CCNG2: variants seen among roughly 807,000 people sequenced by gnomAD.
CCNG2 encodes cyclin G2.
Under a neutral mutation model 36.5 loss-of-function variants are expected in CCNG2, and 20 were observed. The observed-to-expected ratio is 0.55, with a 90% confidence interval of 0.39 to 0.80. The LOEUF (loss-of-function observed/expected upper bound fraction) is 0.80, where lower values mean the gene tolerates loss of function less well. Ranked by LOEUF, CCNG2 falls within the 30% of genes least tolerant of loss-of-function variation. CCNG2 has a pLI of 0.00. For missense variants in CCNG2, 358 were observed against 390.8 expected, an observed-to-expected ratio of 0.92 and a Z score of 0.71; for synonymous variants, 155 against 140.1, an observed-to-expected ratio of 1.11 and a Z score of -0.75.
chr4:77,160,655 A>G (rs1731406895), intron 3 of CCNG2, 66 bp from the exon 4 acceptor site: 3 of 1,498,346 alleles, frequency 2.0e-6, no homozygotes, highest in East Asian at 2.3e-5. Flanking sequence ...GCATCATTAC[A>G]ATATTCTAAG....
intron 7 of CCNG2, among the ~76,000 whole-genome samples, chr4:77,165,420 C>G (rs71607401): frequency 0.054 from 7,584 of 140,368 alleles, 236 homozygotes; most frequent in Non-Finnish European, 0.072. Flanking sequence ...CCTATATTTT[C>G]TTTCTTTCTT....
chr4:77,163,170 A>T (rs1172472328), intron 6 of CCNG2, among the ~76,000 whole-genome samples: 3 of 152,134 alleles, frequency 2.0e-5, no homozygotes, highest in Non-Finnish European at 2.9e-5. Flanking sequence ...TGAAACGGTA[A>T]GAAGCTGTGG....
In CCNG2 at chr4:77,164,367, A is replaced by G. The variant is rs1483246134; in HGVS notation, c.799A>G (p.Lys267Glu). The G allele has an allele frequency of 6.2e-7, 1 of 1,613,916 alleles. No individual in the cohort carries two copies. The highest frequency in any genetic ancestry group is 1.6e-4 in the Middle Eastern group (1 of 6,062). The change falls in exon 7 of 8, where the codon AAG (lysine) becomes GAG (glutamate). Residue 267 changes from lysine to glutamate, a missense_variant. Transcript: ENST00000316355. ...TGAATGTTGCAAACCAGATCTTAAG[A>G]AGTTGGTTTGGATCGTTTCAAGGCG... ...SPECCKPDLK[K>E]LVWIVSRRTA...
intron 6 of CCNG2, among the ~76,000 whole-genome samples, chr4:77,161,999 G>A (rs540415532): frequency 2.0e-5 from 3 of 152,268 alleles, no homozygotes; most frequent in Admixed American, 6.5e-5. Flanking sequence ...CATGCCATAT[G>A]ATAGTACAGC....
chr4:77,162,415 C>G (rs907400903), intron 6 of CCNG2, among the ~76,000 whole-genome samples: 13 of 115,340 alleles, frequency 1.1e-4, no homozygotes, highest in East Asian at 8.1e-4. Context: ...GACAGTCTTG[C>G]TCTGTTGCCC....
In CCNG2 at chr4:77,164,392, G is replaced by A. The variant is rs113199362; in HGVS notation, c.824G>A (p.Arg275His). The change falls in exon 7 of 8, where the codon CGC (arginine) becomes CAC (histidine). Residue 275 changes from arginine to histidine, a missense_variant. Transcript: ENST00000316355. The stretch of plus-strand genomic sequence containing the variant: ...AAGTTGGTTTGGATCGTTTCAAGGC[G>A]CACAGCCCAGAACCTCCACAACAGC... ...LKKLVWIVSR[R>H]TAQNLHNSYY... The A allele has an allele frequency of 1.9e-6, 3 of 1,613,966 alleles. No homozygotes were observed. Among genetic ancestry groups the A allele is most frequent in the Non-Finnish European group, 2.5e-6 (3 of 1,179,916 alleles).
At chr4:77,162,326 GTT>G (rs929183098) in intron 6 of CCNG2, among the ~76,000 whole-genome samples, 22 of 145,696 alleles carry the variant, frequency 1.5e-4, no homozygotes, top group Non-Finnish European at 2.4e-4. Context: ...TCTGTCATTT[GTT>G]ATTGTGTCTT....
At chr4:77,164,194 T>G in intron 6 of CCNG2, 80 bp from the exon 7 acceptor site, 1 of 975,434 alleles carries the variant, frequency 1.0e-6, no homozygotes, top group Non-Finnish European at 1.6e-6. Context: ...TATATATTTT[T>G]CATAGCTCAC....
chr4:77,159,654 A>G (rs1465805868), intron 3 of CCNG2, 150 bp downstream of exon 3: 1 of 729,610 alleles, frequency 1.4e-6, no homozygotes, highest in Non-Finnish European at 2.1e-6. Flanking sequence ...TGCCAGAATA[A>G]GACTACAAGA....
intron 6 of CCNG2, among the ~76,000 whole-genome samples, chr4:77,163,442 G>T (rs1267437442): frequency 1.3e-5 from 2 of 152,156 alleles, no homozygotes; most frequent in African/African-American, 4.8e-5. Context: ...ATTACAAGTG[G>T]GTTAGGATGT....
chr4:77,161,439 C>A, intron 4 of CCNG2, 41 bp from the exon 5 acceptor site: 1 of 1,386,502 alleles, frequency 7.2e-7, no homozygotes, highest in Non-Finnish European at 1.0e-6. Flanking sequence ...TCATTTAAAT[C>A]TTTGGAAGTT....
At chr4:77,164,056 A>T (rs1731556592) in intron 6 of CCNG2, among the ~76,000 whole-genome samples, 1 of 152,186 alleles carries the variant, frequency 6.6e-6, no homozygotes, top group African/African-American at 2.4e-5. Flanking sequence ...CCAAATTTTG[A>T]AAGTTTGGCT....
In CCNG2 at chr4:77,161,577, T is replaced by A; in HGVS notation, c.606+19T>A. 1 of 1,593,820 alleles carries A rather than the reference T, an allele frequency of 6.3e-7. No individual in the cohort carries two copies. The highest frequency in any genetic ancestry group is 8.6e-7 in the Non-Finnish European group (1 of 1,169,290). On this transcript the variant is annotated intron_variant, in intron 5 of 7. Transcript: ENST00000316355. ...AGCAAAAGTAAGTCGATTCCTTGCT[T>A]ATGTATATATCTCACAGTTTGTATT...
At chr4:77,158,939 A>G (rs1350650118) in intron 2 of CCNG2, among the ~76,000 whole-genome samples, 3 of 152,202 alleles carry the variant, frequency 2.0e-5, no homozygotes, top group African/African-American at 7.2e-5. Context: ...CAGCTTCAGG[A>G]TGGGAGACCC....
In CCNG2 at chr4:77,166,006, C is replaced by A. The variant is rs569711181; in HGVS notation, c.*82C>A. 6.6e-5 allele frequency: 89 copies of A among 1,347,092 alleles called. 1 individual carries two copies. In the South Asian group the frequency reaches 1.2e-3, roughly 19 times the overall value. The allele number at this position is 1,347,092 out of a possible 1,614,324, so 83.4% of individuals were successfully genotyped here. On this transcript the variant is annotated 3_prime_UTR_variant, in exon 8 of 8. Coordinates refer to ENST00000316355, the MANE Select transcript of CCNG2 (RefSeq NM_004354.3). ...GAATAGGTAGTTTCCTGGTTTAGCCCCCATCTAGTCAGGAATTAATATACT... is the reference window on the plus strand; with the variant it reads ...GAATAGGTAGTTTCCTGGTTTAGCCACCATCTAGTCAGGAATTAATATACT...
chr4:77,162,973 A>G (rs1731527633), intron 6 of CCNG2, among the ~76,000 whole-genome samples: 2 of 152,020 alleles, frequency 1.3e-5, no homozygotes, highest in South Asian at 4.1e-4. Flanking sequence ...ATTTGTACCT[A>G]ATGGTGGATA....
chr4:77,160,580 T>C lies in CCNG2; in HGVS notation c.277-141T>C. On this transcript the variant is annotated intron_variant, in intron 3 of 7. Transcript: ENST00000316355. ...GTCTAAAATGTGAAAATGTGTATAA[T>C]TGTGGGTAAAGAGCCAGTACATATA... is the stretch of plus-strand genomic sequence containing the variant. 4 of 715,400 alleles carry C rather than the reference T, an allele frequency of 5.6e-6. No individual in the cohort carries two copies. The South Asian group carries it at 7.8e-5, about 14-fold the overall frequency. 44.3% of individuals were successfully genotyped at this position (715,400 alleles called of 1,614,324 possible).
chr4:77,159,267 T>A, intron 2 of CCNG2, 100 bp from the exon 3 acceptor site: 2 of 1,141,106 alleles, frequency 1.8e-6, no homozygotes, highest in Non-Finnish European at 2.5e-6. Flanking sequence ...AAAATTAACC[T>A]TATTCTTGGG....
Position 77,159,455 on chromosome 4 carries a change from C to T in CCNG2, c.227C>T (p.Thr76Ile). 1 of 1,613,874 alleles carries T rather than the reference C, an allele frequency of 6.2e-7. No individual in the cohort carries two copies. Among genetic ancestry groups the T allele is most frequent in the South Asian group, 1.1e-5 (1 of 91,032 alleles). Residue 76 changes from threonine (T) to isoleucine (I), a missense_variant, in exon 3 of 8, where the codon ACT becomes ATT. Thr to Ile is a moderately conservative substitution (Grantham distance 89). Coordinates refer to ENST00000316355, the MANE Select transcript of CCNG2 (RefSeq NM_004354.3). ...LANFFGSCTE[T>I]FVLAVNILDR... ...AACTTTTTTGGATCTTGCACTGAAA[C>T]TTTTGTCCTGGCTGTCAATATTTTG... is the stretch of plus-strand genomic sequence containing the variant.
Sources: gnomAD v4.1 joint callset for allele counts (sites outside exome capture counted in the v4.1 genomes callset) on GRCh38, gnomAD v4.1.1 for gene constraint, MANE v1.5 for transcripts, NCBI Gene and HGNC (gene_info 2026-07-23, HGNC 2026-07-21) for gene names.